KIAA1217: variants seen among roughly 807,000 people sequenced by gnomAD.
KIAA1217 encodes KIAA1217, also known as sickle tail protein homolog.
KIAA1217 carries 88 observed loss-of-function variants against 163.9 expected under a neutral mutation model. The ratio of observed to expected loss-of-function variants is 0.54; its 90% CI spans 0.45 to 0.64. The LOEUF (loss-of-function observed/expected upper bound fraction) is 0.64, where lower values mean the gene tolerates loss of function less well. Ranked by LOEUF, KIAA1217 falls within the 30% of genes least tolerant of loss-of-function variation. KIAA1217 has a pLI of 0.00. For synonymous variants in KIAA1217, 903 were observed against 923.1 expected, an observed-to-expected ratio of 0.98 and a Z score of 0.39; for missense variants, 2,372 against 2,475.0, an observed-to-expected ratio of 0.96 and a Z score of 0.88.
At position 24,473,320 on chromosome 10, in the gene KIAA1217, C is replaced by T. The variant is rs1397061141; in HGVS notation, c.939C>T (p.Ser313=). 6.4e-7 allele frequency: 1 copy of T among 1,563,460 alleles called. No homozygotes were observed. The highest frequency in any genetic ancestry group is 8.7e-7 in the Non-Finnish European group (1 of 1,154,816). ...ATCCACCCCATGCGATTCCAAATTC[C>T]CCACCGTCTACTCCAGTGCCCCATT... ...TAHPPHAIPN[S]PPSTPVPHSM... Residue 313 remains serine, a synonymous_variant, in exon 6 of 21, where the codon TCC becomes TCT. Coordinates refer to ENST00000376454, the MANE Select transcript of KIAA1217 (RefSeq NM_019590.5).
intron 1 of KIAA1217, among the ~76,000 whole-genome samples, chr10:23,854,864 T>A (rs1012250790): frequency 6.6e-6 from 1 of 152,212 alleles, no homozygotes; most frequent in Non-Finnish European, 1.5e-5. Flanking sequence ...TTCCATTTGC[T>A]TGGTAGATCT....
chr10:23,713,262 T>G (rs779562031), intron 1 of KIAA1217, among the ~76,000 whole-genome samples: 1 of 152,132 alleles, frequency 6.6e-6, no homozygotes, highest in East Asian at 1.9e-4. Context: ...TGCTTGACTT[T>G]TTGCTGCTAA....
chr10:23,883,559 C>T (rs138030493), intron 1 of KIAA1217, among the ~76,000 whole-genome samples: 2 of 151,976 alleles, frequency 1.3e-5, no homozygotes, highest in Admixed American at 6.6e-5. Context: ...ACATGCATAG[C>T]GTCTCCCATT....
intron 9 of KIAA1217, among the ~76,000 whole-genome samples, chr10:24,508,226 A>G (rs910086890): frequency 3.9e-5 from 6 of 152,218 alleles, no homozygotes; most frequent in African/African-American, 1.4e-4. Context: ...TACGAAAAAA[A>G]TCAACGTATT....
chr10:23,713,222 GA>G (rs1837368333), intron 1 of KIAA1217, among the ~76,000 whole-genome samples: 1 of 152,106 alleles, frequency 6.6e-6, no homozygotes, highest in African/African-American at 2.4e-5. Context: ...GGCCCATTCA[GA>G]GTAGGTTTTG....
intron 2 of KIAA1217, among the ~76,000 whole-genome samples, chr10:24,181,423 A>G (rs1047210204): frequency 6.6e-6 from 1 of 152,180 alleles, no homozygotes; most frequent in African/African-American, 2.4e-5. Flanking sequence ...GGGACAGCAG[A>G]CAAGATCAAC....
intron 1 of KIAA1217, among the ~76,000 whole-genome samples, chr10:23,909,926 T>C (rs1472995963): frequency 1.3e-5 from 2 of 152,200 alleles, no homozygotes; most frequent in Non-Finnish European, 2.9e-5. Context: ...CGTAAAAGCA[T>C]TCCTATTTCT....
At chr10:24,082,866 T>C (rs1379930076) in intron 2 of KIAA1217, among the ~76,000 whole-genome samples, 1 of 152,206 alleles carries the variant, frequency 6.6e-6, no homozygotes, top group African/African-American at 2.4e-5. Flanking sequence ...CCACCAACAG[T>C]GTAAAAGTGT....
At chr10:24,388,000 A>G (rs184806931) in intron 3 of KIAA1217, among the ~76,000 whole-genome samples, 81 of 152,336 alleles carry the variant, frequency 5.3e-4, no homozygotes, top group African/African-American at 1.9e-3. Context: ...TATAGATTCA[A>G]TGCCATCCCC....
At position 24,544,058 on chromosome 10, in the gene KIAA1217, G is replaced by C. The variant is rs754311647; in HGVS notation, c.4788G>C (p.Gly1596=). Reference sequence around the variant, plus strand: ...CCATTCGCACCGGAACTAAAACAGGGAAGAAGACTTTGCAAGTGGTAGTCT... The same window carrying C: ...CCATTCGCACCGGAACTAAAACAGGCAAGAAGACTTTGCAAGTGGTAGTCT... ...TQAIRTGTKT[G]KKTLQVVVYE... The change falls in exon 19 of 21, where the codon GGG becomes GGC. Residue 1596 remains glycine (G), a synonymous_variant. Coordinates refer to ENST00000376454, the MANE Select transcript of KIAA1217 (RefSeq NM_019590.5). The C allele has an allele frequency of 9.9e-6, 16 of 1,614,026 alleles. No homozygotes were observed. Among genetic ancestry groups the C allele is most frequent in the Non-Finnish European group, 1.2e-5 (14 of 1,180,042 alleles).
intron 2 of KIAA1217, among the ~76,000 whole-genome samples, chr10:24,193,819 C>T (rs1420933937): frequency 6.6e-6 from 1 of 150,728 alleles, no homozygotes; most frequent in Non-Finnish European, 1.5e-5. Flanking sequence ...CACACACACA[C>T]ACACACACAC....
intron 2 of KIAA1217, among the ~76,000 whole-genome samples, chr10:24,133,445 A>C (rs2063726738): frequency 6.6e-6 from 1 of 151,868 alleles, no homozygotes; most frequent in South Asian, 2.1e-4. Flanking sequence ...AGTTGAGTGC[A>C]CCTGTAATCC....
At position 24,257,991 on chromosome 10, in the gene KIAA1217, C is replaced by T. The variant is rs11013995; in HGVS notation, c.354+38082C>T. 7.7e-3 allele frequency among the ~76,000 whole-genome samples: 1,170 copies of T among 152,040 alleles called. 27 individuals are homozygous for T. In the East Asian group the frequency reaches 0.093, roughly 12 times the overall value. On this transcript the variant is annotated intron_variant, in intron 2 of 20. Coordinates refer to ENST00000376454, the MANE Select transcript of KIAA1217 (RefSeq NM_019590.5). ...AGCAGAGAGGGGTTCCTCCCAGGTA[C>T]ATATTTACCAGTACTTGTACCTTGC...
chr10:24,259,215 C>G (rs1271464041), intron 2 of KIAA1217, among the ~76,000 whole-genome samples: 1 of 152,020 alleles, frequency 6.6e-6, no homozygotes, highest in African/African-American at 2.4e-5. Flanking sequence ...AAGGGGAGCA[C>G]AGATTTTTAC....
chr10:24,511,566 G>C (rs916296249), intron 9 of KIAA1217, among the ~76,000 whole-genome samples: 5 of 152,022 alleles, frequency 3.3e-5, no homozygotes, highest in African/African-American at 1.2e-4. Context: ...AGAATCGTTT[G>C]AACCCGGGAG....
intron 1 of KIAA1217, among the ~76,000 whole-genome samples, chr10:23,973,425 T>C (rs1247594853): frequency 6.6e-6 from 1 of 152,228 alleles, no homozygotes; most frequent in Non-Finnish European, 1.5e-5. Flanking sequence ...ATGCTATTTG[T>C]AAATGGTAGA....
chr10:24,070,222 G>A (rs552333736), intron 2 of KIAA1217, among the ~76,000 whole-genome samples: 66 of 151,796 alleles, frequency 4.3e-4, no homozygotes, highest in South Asian at 6.2e-4. Context: ...GCCAGAAGGA[G>A]ACCATACAGA....
chr10:24,477,105 C>CAT (rs1444078845), intron 6 of KIAA1217, among the ~76,000 whole-genome samples: 3 of 152,184 alleles, frequency 2.0e-5, no homozygotes, highest in African/African-American at 7.2e-5. Flanking sequence ...AAGCTCATGC[C>CAT]ATACTTCCTC....
At chr10:24,317,109 G>T (rs1339589076) in intron 2 of KIAA1217, among the ~76,000 whole-genome samples, 1 of 152,066 alleles carries the variant, frequency 6.6e-6, no homozygotes, top group Non-Finnish European at 1.5e-5. Context: ...ATACTGCAAT[G>T]TATGTCAGCC....
Sources: allele counts gnomAD v4.1 joint callset (sites outside exome capture counted in the v4.1 genomes callset), GRCh38; gene constraint gnomAD v4.1.1; transcripts MANE v1.5; gene names NCBI Gene and HGNC (gene_info 2026-07-23, HGNC 2026-07-21).